The following IL1RAPL2 variants were observed in gnomAD, a reference collection of about 807,000 sequenced individuals.
The protein encoded by IL1RAPL2 is interleukin 1 receptor accessory protein like 2.
A neutral mutation model predicts 44.1 loss-of-function variants in IL1RAPL2; 3 were observed. That is an observed-to-expected ratio of 0.07 (90% CI 0.03 to 0.18). The LOEUF (loss-of-function observed/expected upper bound fraction) is 0.18. Ranked by LOEUF, IL1RAPL2 falls within the 10% of genes least tolerant of loss-of-function variation. IL1RAPL2 has a pLI of 1.00. For missense variants in IL1RAPL2, 391 were observed against 496.4 expected (o/e 0.79, Z 2.02); for synonymous variants, 181 against 178.8 (o/e 1.01, Z -0.10).
At chrX:105,304,433 C>A (rs773483748) in intron 5 of IL1RAPL2, among the ~76,000 whole-genome samples, 12 of 112,505 alleles carry the variant, frequency 1.1e-4, no homozygotes, top group Non-Finnish European at 2.1e-4. Flanking sequence ...CTGTGGGGAT[C>A]TTCAAACTGC....
At chrX:105,100,866 G>T (rs115677212) in intron 2 of IL1RAPL2, among the ~76,000 whole-genome samples, 5,181 of 112,218 alleles carry the variant, frequency 0.046, 275 homozygotes, top group African/African-American at 0.16. Flanking sequence ...TCAGGTATAA[G>T]ATTCTGTGAA....
intron 2 of IL1RAPL2, among the ~76,000 whole-genome samples, chrX:105,038,852 C>T (rs1283541343): frequency 9.0e-6 from 1 of 110,652 alleles, no homozygotes; most frequent in Admixed American, 9.7e-5. Flanking sequence ...TGCACCTCTG[C>T]CCTCTTTCTG....
At chrX:104,932,427 C>A (rs1312341771) in intron 2 of IL1RAPL2, among the ~76,000 whole-genome samples, 1 of 111,864 alleles carries the variant, frequency 8.9e-6, no homozygotes, top group East Asian at 2.8e-4. Flanking sequence ...CACACACACA[C>A]ATGATGAAAG....
chrX:104,984,053 A>G (rs1455735191), intron 2 of IL1RAPL2, among the ~76,000 whole-genome samples: 2 of 111,157 alleles, frequency 1.8e-5, no homozygotes, highest in African/African-American at 6.5e-5. Context: ...TGCTGTTATT[A>G]CCTTTAGTAT....
intron 5 of IL1RAPL2, among the ~76,000 whole-genome samples, chrX:105,481,021 G>A (rs1427025902): frequency 8.9e-6 from 1 of 111,944 alleles, no homozygotes; most frequent in Non-Finnish European, 1.9e-5. Context: ...CCATTCACAG[G>A]TTTAGGGGGA....
At chrX:105,479,434 A>G (rs1214395870) in intron 5 of IL1RAPL2, among the ~76,000 whole-genome samples, 3 of 110,891 alleles carry the variant, frequency 2.7e-5, no homozygotes, top group African/African-American at 9.8e-5. Context: ...AAAATAGAAG[A>G]TAGGTGGGTA....
intron 2 of IL1RAPL2, among the ~76,000 whole-genome samples, chrX:104,687,220 G>T (rs1931004856): frequency 8.9e-6 from 1 of 111,958 alleles, no homozygotes; most frequent in South Asian, 3.7e-4. Flanking sequence ...TAAAGAAAAA[G>T]AAGTTTATTT....
intron 2 of IL1RAPL2, among the ~76,000 whole-genome samples, chrX:104,998,353 A>T (rs1250440133): frequency 1.8e-5 from 2 of 111,446 alleles, no homozygotes; most frequent in Non-Finnish European, 3.8e-5. Context: ...GATGTGAGTG[A>T]GGAAGTGGAG....
At chrX:104,642,658 G>A (rs1929956266) in intron 1 of IL1RAPL2, among the ~76,000 whole-genome samples, 1 of 110,339 alleles carries the variant, frequency 9.1e-6, no homozygotes, top group Admixed American at 9.7e-5. Context: ...CTAATTTTTT[G>A]TATTTTTTAG....
chrX:105,306,505 C>T (rs1263346980), intron 5 of IL1RAPL2, among the ~76,000 whole-genome samples: 1 of 111,363 alleles, frequency 9.0e-6, no homozygotes, highest in Non-Finnish European at 1.9e-5. Context: ...TACCATGTCT[C>T]TTTAGTTTTC....
chrX:105,391,222 C>A (rs2035519417), intron 5 of IL1RAPL2, among the ~76,000 whole-genome samples: 1 of 111,670 alleles, frequency 9.0e-6, no homozygotes, highest in Non-Finnish European at 1.9e-5. Context: ...TTAATGATAT[C>A]TAAGGAATCG....
chrX:104,923,803 A>G (rs1046920301), intron 2 of IL1RAPL2, among the ~76,000 whole-genome samples: 1 of 110,892 alleles, frequency 9.0e-6, no homozygotes, highest in East Asian at 2.8e-4. Flanking sequence ...TCGCATGTCA[A>G]TATTAACTTT....
At chrX:105,156,355 T>C (rs2033268587) in intron 2 of IL1RAPL2, among the ~76,000 whole-genome samples, 1 of 112,252 alleles carries the variant, frequency 8.9e-6, no homozygotes, top group Admixed American at 9.4e-5. Flanking sequence ...CAGGTACTTA[T>C]AGAAACTTTT....
intron 6 of IL1RAPL2, among the ~76,000 whole-genome samples, chrX:105,706,593 C>T (rs2038167255): frequency 9.0e-6 from 1 of 110,979 alleles, no homozygotes; most frequent in Non-Finnish European, 1.9e-5. Flanking sequence ...CTCAGTTTTA[C>T]AGGAGGAGTA....
At chrX:105,440,640 G>A (rs1354512354) in intron 5 of IL1RAPL2, among the ~76,000 whole-genome samples, 2 of 112,226 alleles carry the variant, frequency 1.8e-5, no homozygotes, top group African/African-American at 6.5e-5. Context: ...ACCAACTGCT[G>A]TAATTTTCAC....
chrX:105,317,142 G>A (rs2034848788), intron 5 of IL1RAPL2, among the ~76,000 whole-genome samples: 1 of 111,554 alleles, frequency 9.0e-6, no homozygotes. Flanking sequence ...ATAGAACTCA[G>A]CAACTTTTTA....
At chrX:105,559,902 C>T (rs973398359) in intron 6 of IL1RAPL2, among the ~76,000 whole-genome samples, 9 of 111,518 alleles carry the variant, frequency 8.1e-5, no homozygotes, top group African/African-American at 2.6e-4. Context: ...GTGTCATTGT[C>T]TTTCTCTATT....
intron 5 of IL1RAPL2, among the ~76,000 whole-genome samples, chrX:105,451,862 C>T (rs1280544646): frequency 9.0e-6 from 1 of 111,673 alleles, no homozygotes; most frequent in Non-Finnish European, 1.9e-5. Context: ...CCATTAACCA[C>T]ATTCAACAGA....
Position 104,811,288 on chromosome X carries a change from G to A in IL1RAPL2, c.82+152293G>A, listed in dbSNP as rs148106701. On this transcript the variant is annotated intron_variant, in intron 2 of 10. Coordinates refer to ENST00000372582, the MANE Select transcript of IL1RAPL2 (RefSeq NM_017416.2). ...CATCAGGTAAAACTACAGAGTTCAA[G>A]AATAAAGACAGTGAAAAAAAAGCAG... Among the ~76,000 whole-genome samples, 995 of 111,564 alleles carry A rather than the reference G, an allele frequency of 8.9e-3. 7 individuals are homozygous for A. The highest frequency in any genetic ancestry group is 0.031 in the African/African-American group (940 of 30,750).
Sources: allele counts gnomAD v4.1 joint callset (sites outside exome capture counted in the v4.1 genomes callset), GRCh38; gene constraint gnomAD v4.1.1; transcripts MANE v1.5; gene names NCBI Gene and HGNC (gene_info 2026-07-23, HGNC 2026-07-21).